The following CAPN3 variants were observed in gnomAD, a reference collection of about 807,000 sequenced individuals.
CAPN3 encodes the protein calpain 3, also known as calpain-3.
CAPN3 carries 88 observed loss-of-function variants against 114.0 expected under a neutral mutation model. The observed-to-expected ratio is 0.77, with a 90% confidence interval of 0.65 to 0.92. The LOEUF (loss-of-function observed/expected upper bound fraction) is 0.92. Among genes scored for constraint, CAPN3 ranks in the 40% least tolerant of loss-of-function variants. The probability of loss-of-function intolerance (pLI) is 0.00; values close to 1 mark genes in which losing one functional copy is unlikely to be tolerated. For missense variants in CAPN3, 1,028 were observed against 1,069.0 expected (o/e 0.96, Z 0.53); for synonymous variants, 386 against 382.9 (o/e 1.01, Z -0.09).
intron 1 of CAPN3, among the ~76,000 whole-genome samples, chr15:42,361,169 C>T (rs1487307453): frequency 1.3e-5 from 2 of 152,136 alleles, no homozygotes; most frequent in African/African-American, 4.8e-5. Context: ...CCATGGTTTT[C>T]TTTAACCTAA....
chr15:42,406,519 C>A (rs2054027930), intron 15 of CAPN3, among the ~76,000 whole-genome samples: 1 of 152,018 alleles, frequency 6.6e-6, no homozygotes, highest in Non-Finnish European at 1.5e-5. Context: ...TTTTTCCCCC[C>A]CAATTATAAC....
intron 1 of CAPN3, among the ~76,000 whole-genome samples, chr15:42,380,605 G>GTATA (rs145588937): frequency 6.9e-6 from 1 of 145,196 alleles, no homozygotes; most frequent in African/African-American, 2.6e-5. Flanking sequence ...ATATGTATGT[G>GTATA]TATATATATA....
chr15:42,389,951 A>T lies in CAPN3; in HGVS notation c.802-2A>T. On this transcript the variant is annotated splice_acceptor_variant, in intron 5 of 23. Transcript: ENST00000397163. LOFTEE classifies it high-confidence loss of function. ...TTCCCTACATTCTCCATCGGGCCTC[A>T]GGATGGCACGAACATGACCTATGGA... is the stretch of plus-strand genomic sequence containing the variant. 6.2e-7 allele frequency: 1 copy of T among 1,613,938 alleles called. No homozygotes were observed. Among genetic ancestry groups the T allele is most frequent in the Non-Finnish European group, 8.5e-7 (1 of 1,179,970 alleles).
chr15:42,384,761 A>G (rs1456456859), intron 2 of CAPN3, among the ~76,000 whole-genome samples: 1 of 152,192 alleles, frequency 6.6e-6, no homozygotes, highest in Admixed American at 6.5e-5. Context: ...TCTGCCATGC[A>G]TCACAGGGGG....
chr15:42,394,473 G>T (rs905172202), intron 8 of CAPN3, 132 bp downstream of exon 8: 5 of 767,134 alleles, frequency 6.5e-6, no homozygotes, highest in Non-Finnish European at 1.1e-5. Flanking sequence ...ATGATCCGCA[G>T]AGAAGAGGGG....
intron 1 of CAPN3, among the ~76,000 whole-genome samples, chr15:42,369,213 G>A (rs1224625586): frequency 6.6e-6 from 1 of 152,170 alleles, no homozygotes; most frequent in Non-Finnish European, 1.5e-5. Context: ...CAGGGAGAGA[G>A]TTTATCTTAC....
chr15:42,406,941 T>C (rs577196207), intron 15 of CAPN3, among the ~76,000 whole-genome samples: 111 of 152,152 alleles, frequency 7.3e-4, no homozygotes, highest in Non-Finnish European at 1.5e-3. Context: ...TTTCCACGGG[T>C]CTATCTGCTT....
chr15:42,410,080 G>C, intron 19 of CAPN3, 85 bp downstream of exon 19: 1 of 1,267,038 alleles, frequency 7.9e-7, no homozygotes, highest in African/African-American at 1.5e-5. Flanking sequence ...GTCAGGCAAA[G>C]GGCCCTAATT....
intron 20 of CAPN3, 36 bp from the exon 21 acceptor site, chr15:42,410,552 G>A: frequency 6.2e-7 from 1 of 1,608,400 alleles, no homozygotes; most frequent in Non-Finnish European, 8.5e-7. Flanking sequence ...TGGAGATTCA[G>A]TGTGTGACCT....
At chr15:42,366,467 C>T (rs1303492513) in intron 1 of CAPN3, among the ~76,000 whole-genome samples, 1 of 152,202 alleles carries the variant, frequency 6.6e-6, no homozygotes, top group African/African-American at 2.4e-5. Context: ...CAGGGTAGAT[C>T]TTCTTACTAC....
rs959109859 is a variant in CAPN3, at chr15:42,409,453, T to C, written c.1992+73T>C. On this transcript the variant is annotated intron_variant, in intron 17 of 23. Coordinates refer to ENST00000397163, the MANE Select transcript of CAPN3 (RefSeq NM_000070.3). ...TGGATTAACTGCTCAGATTACCAAT[T>C]ATTTCATTATTGTTTGGTAGAGGTC... 3 of 1,358,444 alleles carry C rather than the reference T, an allele frequency of 2.2e-6. No individual in the cohort carries two copies. The African/African-American group carries it at 4.3e-5, about 19-fold the overall frequency. The allele number at this position is 1,358,444 out of a possible 1,614,324, so 84.1% of individuals were successfully genotyped here. A position where few individuals can be genotyped will look rare whatever the true frequency, so the allele number is the denominator to read the frequency against.
At chr15:42,395,367 T>C (rs1033842363) in intron 8 of CAPN3, among the ~76,000 whole-genome samples, 12 of 152,070 alleles carry the variant, frequency 7.9e-5, no homozygotes, top group Non-Finnish European at 1.8e-4. Flanking sequence ...CCTGGGGATG[T>C]AGAAATGTAG....
intron 14 of CAPN3, chr15:42,404,723 C>A (rs2053970813): frequency 8.6e-7 from 1 of 1,159,534 alleles, no homozygotes. Flanking sequence ...ATGACGTAGG[C>A]CAATGGGAGG....
chr15:42,392,972 A>G lies in CAPN3; in HGVS notation c.1029+250A>G, dbSNP rs1043811704. ...GATGGCAATTTTTCCAACATTTCCA[A>G]TGAACAAATTGAAATATCACTTAAC... is the stretch of plus-strand genomic sequence containing the variant. On this transcript the variant is annotated intron_variant, in intron 7 of 23. Transcript: ENST00000397163. Among the ~76,000 whole-genome samples the G allele has an allele frequency of 3.3e-5, 5 of 152,226 alleles. No individual in the cohort carries two copies. In the East Asian group the frequency reaches 7.7e-4, roughly 23 times the overall value.
intron 1 of CAPN3, among the ~76,000 whole-genome samples, chr15:42,372,185 G>A (rs2052968140): frequency 6.6e-6 from 1 of 151,890 alleles, no homozygotes; most frequent in Non-Finnish European, 1.5e-5. Context: ...TTGAGATGGA[G>A]TTTCGTTCTT....
At chr15:42,387,543 A>C (rs2053437095) in intron 3 of CAPN3, among the ~76,000 whole-genome samples, 1 of 152,066 alleles carries the variant, frequency 6.6e-6, no homozygotes, top group African/African-American at 2.4e-5. Context: ...AGTATATGTA[A>C]CTCACTTCCA....
chr15:42,408,369 G>A, intron 16 of CAPN3, 45 bp downstream of exon 16: 1 of 1,234,246 alleles, frequency 8.1e-7, no homozygotes, highest in South Asian at 1.2e-5. Context: ...CACGCTACAG[G>A]GGCTTCCTAT....
At chr15:42,410,782 T>C in intron 21 of CAPN3, 102 bp from the exon 22 acceptor site, 1 of 1,373,916 alleles carries the variant, frequency 7.3e-7, no homozygotes, top group Non-Finnish European at 1.0e-6. Context: ...GGCTTCTCAC[T>C]TTCCCTTCCC....
At chr15:42,389,273 G>A (rs914147360) in intron 5 of CAPN3, among the ~76,000 whole-genome samples, 177 bp downstream of exon 5, 27 of 152,154 alleles carry the variant, frequency 1.8e-4, no homozygotes, top group African/African-American at 5.1e-4. Flanking sequence ...CAGTTCTTCC[G>A]GATTTTCAAT....
Sources: allele counts gnomAD v4.1 joint callset (sites outside exome capture counted in the v4.1 genomes callset), GRCh38; gene constraint gnomAD v4.1.1; transcripts MANE v1.5; gene names NCBI Gene and HGNC (gene_info 2026-07-23, HGNC 2026-07-21).